Variants in ZNF385B observed in about 807,000 individuals in gnomAD.
ZNF385B encodes the protein zinc finger protein 533.
ZNF385B carries 23 observed loss-of-function variants against 39.2 expected under a neutral mutation model. The observed-to-expected ratio is 0.59, with a 90% CI of 0.42 to 0.83. ZNF385B has a LOEUF of 0.83. Among genes scored for constraint, ZNF385B ranks in the 40% least tolerant of loss-of-function variants. The pLI is 0.00. For synonymous variants in ZNF385B, 205 were observed against 222.6 expected, an observed-to-expected ratio of 0.92 and a Z score of 0.70; for missense variants, 552 against 598.9, an observed-to-expected ratio of 0.92 and a Z score of 0.82.
chr2:179,514,778 GTT>G (rs10594566), intron 5 of ZNF385B, among the ~76,000 whole-genome samples: 500 of 143,238 alleles, frequency 3.5e-3, no homozygotes, highest in East Asian at 0.022. Flanking sequence ...ATGTGTGGTG[GTT>G]TTTTTTTTTT....
intron 4 of ZNF385B, among the ~76,000 whole-genome samples, chr2:179,523,295 C>A (rs961111479): frequency 9.2e-5 from 13 of 141,972 alleles, no homozygotes; most frequent in African/African-American, 2.9e-4. Context: ...AAAATAAGAA[C>A]AATTTTTTTT....
Position 179,769,649 on chromosome 2 carries a change from C to T in ZNF385B, c.152G>A (p.Cys51Tyr), listed in dbSNP as rs1553529072. 6.2e-7 allele frequency: 1 copy of T among 1,614,186 alleles called. No homozygotes were observed. The highest frequency in any genetic ancestry group is 8.5e-7 in the Non-Finnish European group (1 of 1,180,028). Residue 51 changes from cysteine to tyrosine, a missense_variant, in exon 3 of 10, where the codon TGT becomes TAT. Physicochemically the swap from Cys to Tyr is radical, Grantham distance 194. Transcript: ENST00000410066. ...GTTCAGCTGGATGTTGCACACCTCACAGAAGGAGAAAAGAATTTTCTTTTT... is the reference window on the plus strand; with the variant it reads ...GTTCAGCTGGATGTTGCACACCTCATAGAAGGAGAAAAGAATTTTCTTTTT... ...KEKKKILFSF[C>Y]EVCNIQLNSA...
intron 3 of ZNF385B, among the ~76,000 whole-genome samples, chr2:179,683,231 T>C (rs1343677775): frequency 2.6e-4 from 40 of 151,758 alleles, no homozygotes; most frequent in Admixed American, 2.0e-3. Flanking sequence ...GTACTAAAAA[T>C]ACAAAAAAAT....
At chr2:179,651,253 T>C (rs528958019) in intron 3 of ZNF385B, among the ~76,000 whole-genome samples, 96 of 152,268 alleles carry the variant, frequency 6.3e-4, no homozygotes, top group African/African-American at 2.2e-3. Context: ...GTATATGCTA[T>C]ATTTTGAAAC....
chr2:179,503,939 A>T (rs1295662161), intron 5 of ZNF385B, among the ~76,000 whole-genome samples: 5 of 144,762 alleles, frequency 3.5e-5, no homozygotes, highest in Middle Eastern at 7.4e-3. Context: ...GGTTAGTTAC[A>T]TATGTATACA....
intron 1 of ZNF385B, among the ~76,000 whole-genome samples, chr2:179,788,920 C>T (rs1206826549): frequency 6.6e-6 from 1 of 152,096 alleles, no homozygotes; most frequent in Non-Finnish European, 1.5e-5. Context: ...GGAACAAGAG[C>T]CTGATGAAAA....
intron 3 of ZNF385B, among the ~76,000 whole-genome samples, chr2:179,757,437 C>T (rs1050167079): frequency 6.6e-5 from 10 of 152,182 alleles, no homozygotes; most frequent in African/African-American, 1.2e-4. Context: ...GCAGTCTGCC[C>T]GTTCTCAGGT....
chr2:179,564,884 C>A (rs951022492), intron 3 of ZNF385B, among the ~76,000 whole-genome samples: 6 of 152,138 alleles, frequency 3.9e-5, no homozygotes, highest in Admixed American at 3.9e-4. Flanking sequence ...TATCCCCTCA[C>A]CTCACTCCCT....
chr2:179,567,860 C>T (rs1043047269), intron 3 of ZNF385B, among the ~76,000 whole-genome samples: 8 of 152,126 alleles, frequency 5.3e-5, no homozygotes, highest in African/African-American at 9.7e-5. Flanking sequence ...CATACTAGTC[C>T]GAGACACCAA....
chr2:179,580,646 T>C (rs1049120537), intron 3 of ZNF385B, among the ~76,000 whole-genome samples: 6 of 152,148 alleles, frequency 3.9e-5, no homozygotes, highest in African/African-American at 1.2e-4. Context: ...TCTCTTAACA[T>C]TGGAGCACAC....
chr2:179,564,427 G>A (rs1022855129), intron 3 of ZNF385B, among the ~76,000 whole-genome samples: 9 of 152,126 alleles, frequency 5.9e-5, no homozygotes, highest in Non-Finnish European at 1.5e-5. Flanking sequence ...TCATCACCTT[G>A]AGTTAGTTAA....
At chr2:179,721,763 T>C (rs1700712345) in intron 3 of ZNF385B, among the ~76,000 whole-genome samples, 1 of 152,060 alleles carries the variant, frequency 6.6e-6, no homozygotes, top group Non-Finnish European at 1.5e-5. Flanking sequence ...TACCTATTGA[T>C]GAAACTTGAA....
intron 3 of ZNF385B, among the ~76,000 whole-genome samples, chr2:179,617,025 T>A (rs759652665): frequency 1.3e-5 from 2 of 152,152 alleles, no homozygotes; most frequent in Admixed American, 6.5e-5. Flanking sequence ...GTCCCCCTTT[T>A]AGTGTGGTGT....
chr2:179,725,908 G>GTATATATATATATATATATATATATA (rs200614511), intron 3 of ZNF385B, among the ~76,000 whole-genome samples: 2 of 111,110 alleles, frequency 1.8e-5, no homozygotes. Flanking sequence ...GTGTTTGTGT[G>GTATATATATATATATATATATATATA]TGTATATATA....
At chr2:179,526,691 C>T (rs548044284) in intron 4 of ZNF385B, among the ~76,000 whole-genome samples, 7 of 152,294 alleles carry the variant, frequency 4.6e-5, no homozygotes, top group African/African-American at 1.4e-4. Context: ...GCATCTGGAG[C>T]GTGTAAAAGC....
chr2:179,515,990 T>C (rs1032309213), intron 5 of ZNF385B, among the ~76,000 whole-genome samples: 4 of 152,210 alleles, frequency 2.6e-5, no homozygotes, highest in African/African-American at 7.2e-5. Context: ...TTTCATCTTC[T>C]GCAGAAAGTT....
intron 1 of ZNF385B, among the ~76,000 whole-genome samples, chr2:179,839,750 G>T (rs1708445953): frequency 6.6e-6 from 1 of 152,120 alleles, no homozygotes; most frequent in South Asian, 2.1e-4. Flanking sequence ...AAGAAGGGGT[G>T]TTTTACCACC....
At chr2:179,652,648 G>A (rs1252403580) in intron 3 of ZNF385B, among the ~76,000 whole-genome samples, 1 of 152,002 alleles carries the variant, frequency 6.6e-6, no homozygotes, top group African/African-American at 2.4e-5. Flanking sequence ...TTGCATATCT[G>A]CTTTTAGCTA....
intron 3 of ZNF385B, among the ~76,000 whole-genome samples, chr2:179,601,597 G>T (rs1202076085): frequency 6.6e-6 from 1 of 152,112 alleles, no homozygotes; most frequent in Non-Finnish European, 1.5e-5. Flanking sequence ...TTGTGCCCCA[G>T]TGACTTGAAG....
Sources: gnomAD v4.1 joint callset for allele counts (sites outside exome capture counted in the v4.1 genomes callset) on GRCh38, gnomAD v4.1.1 for gene constraint, MANE v1.5 for transcripts, NCBI Gene and HGNC (gene_info 2026-07-23, HGNC 2026-07-21) for gene names.